Variants in DOCK2 observed in about 807,000 individuals in gnomAD.
The protein encoded by DOCK2 is dedicator of cytokinesis protein 2.
Under a neutral mutation model 248.9 loss-of-function variants are expected in DOCK2, and 87 were observed. The ratio of observed to expected loss-of-function variants is 0.35; its 90% CI spans 0.29 to 0.42. The LOEUF (loss-of-function observed/expected upper bound fraction) is 0.42, where lower values mean the gene tolerates loss of function less well. DOCK2 is among the 10% of genes least tolerant of loss of function. DOCK2 has a pLI of 1.00. For missense variants in DOCK2, 1,747 were observed against 2,300.2 expected, an observed-to-expected ratio of 0.76 and a Z score of 4.92; for synonymous variants, 805 against 821.6, an observed-to-expected ratio of 0.98 and a Z score of 0.35.
chr5:169,895,864 A>T (rs936554738), intron 27 of DOCK2, among the ~76,000 whole-genome samples: 1 of 152,200 alleles, frequency 6.6e-6, no homozygotes, highest in African/African-American at 2.4e-5. Flanking sequence ...CATAATAGAT[A>T]TAGTAAGAAT....
chr5:169,777,232 G>GTGTTGTCC (rs1414423249), intron 25 of DOCK2, among the ~76,000 whole-genome samples: 1 of 152,194 alleles, frequency 6.6e-6, no homozygotes, highest in African/African-American at 2.4e-5. Flanking sequence ...GGAGCAGACT[G>GTGTTGTCC]TGTTGTCCTT....
At chr5:169,792,451 A>ATG (rs56969878) in intron 25 of DOCK2, among the ~76,000 whole-genome samples, 31,748 of 149,196 alleles carry the variant, frequency 0.21, 3,585 homozygotes, top group East Asian at 0.35. Context: ...TATTTTATAT[A>ATG]TGTGTGTGTG....
At chr5:169,873,839 A>G (rs1475945358) in intron 27 of DOCK2, among the ~76,000 whole-genome samples, 1 of 152,188 alleles carries the variant, frequency 6.6e-6, no homozygotes, top group African/African-American at 2.4e-5. Context: ...TGTGACCTCA[A>G]GCGGCTCACA....
chr5:169,731,617 C>T (rs990670558), intron 22 of DOCK2, among the ~76,000 whole-genome samples: 2 of 152,212 alleles, frequency 1.3e-5, no homozygotes, highest in Middle Eastern at 3.4e-3. Context: ...CTATAAAAGC[C>T]ATTTGATGTG....
At chr5:169,759,655 C>T (rs369324213) in intron 23 of DOCK2, 50 bp from the exon 24 acceptor site, 67 of 1,603,960 alleles carry the variant, frequency 4.2e-5, no homozygotes, top group Non-Finnish European at 5.4e-5. Flanking sequence ...TTTGCCAGCA[C>T]AGACTTGTTG....
At chr5:169,958,593 T>TC (rs1776958423) in intron 27 of DOCK2, among the ~76,000 whole-genome samples, 1 of 151,568 alleles carries the variant, frequency 6.6e-6, no homozygotes, top group African/African-American at 2.4e-5. Context: ...TTCTTTTTTT[T>TC]TGGTATAAAT....
intron 26 of DOCK2, among the ~76,000 whole-genome samples, chr5:169,824,655 A>G (rs1434680067): frequency 1.3e-5 from 2 of 152,244 alleles, no homozygotes; most frequent in African/African-American, 4.8e-5. Flanking sequence ...TGTTAGACCT[A>G]AAACCATAAA....
intron 5 of DOCK2, among the ~76,000 whole-genome samples, chr5:169,672,442 A>G (rs887753958): frequency 2.0e-5 from 3 of 152,202 alleles, no homozygotes; most frequent in Non-Finnish European, 2.9e-5. Flanking sequence ...TCGGTATCAC[A>G]TTCCTGATTC....
intron 34 of DOCK2, chr5:170,028,624 A>G (rs1441511880): frequency 6.5e-6 from 1 of 153,392 alleles, no homozygotes; most frequent in African/African-American, 2.4e-5. Context: ...CCCAAAGTGT[A>G]CAATCATTGA....
intron 27 of DOCK2, among the ~76,000 whole-genome samples, chr5:169,906,160 G>A (rs929941064): frequency 1.3e-5 from 2 of 152,144 alleles, no homozygotes; most frequent in Non-Finnish European, 2.9e-5. Flanking sequence ...CTCAATGAGC[G>A]ATTACTACAT....
chr5:170,059,417 G>C (rs1048265717), intron 44 of DOCK2, among the ~76,000 whole-genome samples: 1 of 152,114 alleles, frequency 6.6e-6, no homozygotes, highest in African/African-American at 2.4e-5. Context: ...ACTGAGCCCT[G>C]TCACCTGGTG....
chr5:169,789,541 C>T (rs1428603423), intron 25 of DOCK2, among the ~76,000 whole-genome samples: 1 of 152,228 alleles, frequency 6.6e-6, no homozygotes, highest in African/African-American at 2.4e-5. Context: ...GAGCTCATTA[C>T]ATGTCTTTAA....
At chr5:169,808,738 A>AT (rs1188654006) in intron 26 of DOCK2, among the ~76,000 whole-genome samples, 1 of 152,076 alleles carries the variant, frequency 6.6e-6, no homozygotes, top group Admixed American at 6.5e-5. Context: ...TTCCCCTCTT[A>AT]AGACAGGGTT....
intron 25 of DOCK2, among the ~76,000 whole-genome samples, chr5:169,788,278 T>C (rs1453703263): frequency 6.6e-6 from 1 of 152,178 alleles, no homozygotes; most frequent in Non-Finnish European, 1.5e-5. Flanking sequence ...ACACATACTT[T>C]TTCACATGAA....
intron 22 of DOCK2, among the ~76,000 whole-genome samples, chr5:169,729,277 T>C (rs540854091): frequency 3.9e-5 from 6 of 152,356 alleles, no homozygotes; most frequent in African/African-American, 1.4e-4. Context: ...AGACGTACTT[T>C]GTGATCTTCG....
At chr5:169,904,829 T>C (rs1463341836) in intron 27 of DOCK2, among the ~76,000 whole-genome samples, 1 of 152,106 alleles carries the variant, frequency 6.6e-6, no homozygotes, top group East Asian at 1.9e-4. Flanking sequence ...GCAACACATT[T>C]CTGTGTGGGA....
intron 27 of DOCK2, among the ~76,000 whole-genome samples, chr5:169,938,367 T>C (rs1000795069): frequency 5.3e-5 from 8 of 152,032 alleles, no homozygotes; most frequent in African/African-American, 1.9e-4. Context: ...AACATCAGAG[T>C]GTACTCACAC....
At chr5:169,954,294 G>A (rs1761749511) in intron 27 of DOCK2, among the ~76,000 whole-genome samples, 1 of 152,200 alleles carries the variant, frequency 6.6e-6, no homozygotes, top group Admixed American at 6.5e-5. Flanking sequence ...GGAATAAATT[G>A]TTTTTAAGTG....
intron 27 of DOCK2, among the ~76,000 whole-genome samples, chr5:169,853,220 C>T (rs1404308049): frequency 6.6e-6 from 1 of 152,212 alleles, no homozygotes; most frequent in Admixed American, 6.5e-5. Flanking sequence ...AACTGTAAGT[C>T]CAATAGGCCT....
Sources: gnomAD v4.1 joint callset for allele counts (sites outside exome capture counted in the v4.1 genomes callset) on GRCh38, gnomAD v4.1.1 for gene constraint, MANE v1.5 for transcripts, NCBI Gene and HGNC (gene_info 2026-07-23, HGNC 2026-07-21) for gene names.